TRAPPC9: variants seen among roughly 807,000 people sequenced by gnomAD.
TRAPPC9 encodes the protein IKK2 binding protein.
Under a neutral mutation model 124.0 loss-of-function variants are expected in TRAPPC9, and 83 were observed. That is an observed-to-expected ratio of 0.67 (90% CI 0.56 to 0.80). The LOEUF is 0.80. Ranked by LOEUF, TRAPPC9 falls within the 30% of genes least tolerant of loss-of-function variation. The probability of loss-of-function intolerance (pLI) is 0.00; values close to 1 mark genes in which losing one functional copy is unlikely to be tolerated. For synonymous variants in TRAPPC9, 638 were observed against 617.5 expected (o/e 1.03, Z -0.49); for missense variants, 1,302 against 1,508.3 (o/e 0.86, Z 2.27).
intron 19 of TRAPPC9, among the ~76,000 whole-genome samples, chr8:139,929,916 G>A (rs979236794): frequency 6.6e-6 from 1 of 152,210 alleles, no homozygotes; most frequent in African/African-American, 2.4e-5. Context: ...ACCCTTCCAT[G>A]TCCTGTAAAA....
At chr8:140,095,064 C>T (rs1844842895) in intron 17 of TRAPPC9, 1 of 152,236 alleles carries the variant, frequency 6.6e-6, no homozygotes, top group South Asian at 2.1e-4. Context: ...TCTACAATAA[C>T]ACAGGGTCTC....
intron 18 of TRAPPC9, among the ~76,000 whole-genome samples, chr8:140,019,491 CTA>C (rs759431864): frequency 1.7e-4 from 25 of 143,416 alleles, no homozygotes; most frequent in Non-Finnish European, 2.7e-4. Context: ...TGATGTGTGA[CTA>C]TTTATTTTTT....
chr8:140,156,130 A>T (rs1451160342), intron 17 of TRAPPC9, among the ~76,000 whole-genome samples: 2 of 152,218 alleles, frequency 1.3e-5, no homozygotes, highest in Non-Finnish European at 2.9e-5. Context: ...TGGGTGAATC[A>T]GAAGAGAACC....
In TRAPPC9 at chr8:140,206,326, C is replaced by A. The variant is rs149522277; in HGVS notation, c.2556+15133G>T. Among the ~76,000 whole-genome samples the A allele has an allele frequency of 4.0e-4, 61 of 152,202 alleles. 1 individual carries two copies. The highest frequency in any genetic ancestry group is 1.4e-3 in the African/African-American group (59 of 41,536). ...GCCAAAGACTAAACAACATCTAATT[C>A]TTTTTCTGCTTGCAGTCTTACGTTT... On this transcript the variant is annotated intron_variant, in intron 17 of 22. Coordinates refer to ENST00000438773, the MANE Select transcript of TRAPPC9 (RefSeq NM_001160372.4).
intron 21 of TRAPPC9, among the ~76,000 whole-genome samples, chr8:139,797,282 T>C (rs375081500): frequency 2.0e-5 from 3 of 152,194 alleles, no homozygotes; most frequent in African/African-American, 4.8e-5. Context: ...TTTTTTGAGA[T>C]GGAGTCTTGG....
At chr8:140,327,484 C>A (rs1180198471) in intron 9 of TRAPPC9, among the ~76,000 whole-genome samples, 1 of 152,150 alleles carries the variant, frequency 6.6e-6, no homozygotes, top group Admixed American at 6.5e-5. Flanking sequence ...GCAGCATTCA[C>A]AATGGCCAAA....
chr8:140,176,531 G>A (rs185303756), intron 17 of TRAPPC9, among the ~76,000 whole-genome samples: 1 of 152,328 alleles, frequency 6.6e-6, no homozygotes, highest in East Asian at 1.9e-4. Flanking sequence ...GTATTGCACT[G>A]CATGGGTATG....
chr8:140,086,449 G>A (rs1844188307), intron 17 of TRAPPC9, among the ~76,000 whole-genome samples: 1 of 152,122 alleles, frequency 6.6e-6, no homozygotes, highest in Admixed American at 6.6e-5. Flanking sequence ...TGTGATGAGG[G>A]CAGCAGCCTC....
chr8:140,208,150 CAA>C lies in TRAPPC9; in HGVS notation c.2556+13307_2556+13308del, dbSNP rs200326778. Among the ~76,000 whole-genome samples the C allele has an allele frequency of 1.3e-3, 172 of 131,758 alleles. No individual in the cohort carries two copies. The South Asian group carries it at 0.017, about 13-fold the overall frequency. The allele number at this position is 131,758 out of a possible 152,430, so 86.4% of individuals were successfully genotyped here. A position where few individuals can be genotyped will look rare whatever the true frequency, so the allele number is the denominator to read the frequency against. ...GGGCGACAAAAATGAAACTCTGTCTCAAAAAAAAAAAAAAAATTAATCTCAAA... is the reference window on the plus strand; with the variant it reads ...GGGCGACAAAAATGAAACTCTGTCTCAAAAAAAAAAAAAATTAATCTCAAA... On this transcript the variant is annotated intron_variant, in intron 17 of 22. Transcript: ENST00000438773.
intron 7 of TRAPPC9, among the ~76,000 whole-genome samples, chr8:140,380,407 G>A (rs542373061): frequency 4.3e-4 from 66 of 152,102 alleles, no homozygotes; most frequent in Admixed American, 2.6e-4. Context: ...TAATCCCAGC[G>A]CTTTGGGAGG....
chr8:139,840,009 A>G (rs1294384601), intron 21 of TRAPPC9, among the ~76,000 whole-genome samples: 3 of 152,238 alleles, frequency 2.0e-5, no homozygotes, highest in Non-Finnish European at 4.4e-5. Context: ...CACAGAGGGT[A>G]GTTATTTTCC....
At chr8:140,131,254 T>C (rs1223518827) in intron 17 of TRAPPC9, among the ~76,000 whole-genome samples, 1 of 152,190 alleles carries the variant, frequency 6.6e-6, no homozygotes, top group East Asian at 1.9e-4. Flanking sequence ...CACTGGGTAA[T>C]AGGGTACAGA....
intron 17 of TRAPPC9, chr8:140,096,464 T>A (rs1844953729): frequency 6.6e-6 from 1 of 152,152 alleles, no homozygotes; most frequent in South Asian, 2.1e-4. Context: ...ATTATTGCAA[T>A]AATCCAAGTG....
At chr8:140,028,100 C>T (rs781692943) in intron 17 of TRAPPC9, among the ~76,000 whole-genome samples, 34 of 152,136 alleles carry the variant, frequency 2.2e-4, no homozygotes, top group Middle Eastern at 6.8e-3. Context: ...CAAAAAAAGG[C>T]CTCCTCAGTC....
At chr8:139,892,811 T>G (rs1587119347) in intron 20 of TRAPPC9, among the ~76,000 whole-genome samples, 1 of 151,838 alleles carries the variant, frequency 6.6e-6, no homozygotes, top group South Asian at 2.1e-4. Flanking sequence ...TATACCATGG[T>G]GTGGGCATCC....
At chr8:139,778,701 C>A (rs1266308576) in intron 21 of TRAPPC9, among the ~76,000 whole-genome samples, 1 of 152,080 alleles carries the variant, frequency 6.6e-6, no homozygotes, top group Non-Finnish European at 1.5e-5. Flanking sequence ...TTTGAAGACA[C>A]AGCTATACAA....
intron 18 of TRAPPC9, among the ~76,000 whole-genome samples, chr8:140,014,030 C>A (rs1292933676): frequency 6.6e-6 from 1 of 152,140 alleles, no homozygotes; most frequent in Non-Finnish European, 1.5e-5. Context: ...GTAAACATAG[C>A]AACTGGAAAA....
intron 20 of TRAPPC9, among the ~76,000 whole-genome samples, chr8:139,903,560 T>A (rs1831153292): frequency 6.6e-6 from 1 of 152,166 alleles, no homozygotes; most frequent in South Asian, 2.1e-4. Flanking sequence ...CAGAAGCGTG[T>A]CCCTCCCCTG....
intron 19 of TRAPPC9, among the ~76,000 whole-genome samples, chr8:139,962,530 G>T (rs1475060427): frequency 8.0e-6 from 1 of 124,494 alleles, no homozygotes; most frequent in African/African-American, 2.6e-5. Context: ...CTTCCATCTA[G>T]TCATTGGAAC....
Sources: allele counts gnomAD v4.1 joint callset (sites outside exome capture counted in the v4.1 genomes callset), GRCh38; gene constraint gnomAD v4.1.1; transcripts MANE v1.5; gene names NCBI Gene and HGNC (gene_info 2026-07-23, HGNC 2026-07-21).